EFCAB13: variants seen among roughly 807,000 people sequenced by gnomAD.
EFCAB13 encodes the protein EF-hand calcium-binding domain-containing protein 13.
In EFCAB13, 91 loss-of-function variants were observed where a neutral mutation model predicts 110.2. The observed-to-expected ratio is 0.83, with a 90% CI of 0.70 to 0.98. EFCAB13 has a LOEUF of 0.98. Among genes scored for constraint, EFCAB13 ranks in the 50% least tolerant of loss-of-function variants. The pLI, the probability that EFCAB13 is intolerant of heterozygous loss-of-function variation, is 0.00. For synonymous variants in EFCAB13, 323 were observed against 369.9 expected (o/e 0.87, Z 1.45); for missense variants, 968 against 1,119.4 (o/e 0.86, Z 1.93).
chr17:47,425,034 T>C (rs1417786752), intron 23 of EFCAB13, among the ~76,000 whole-genome samples: 5 of 148,130 alleles, frequency 3.4e-5, no homozygotes, highest in African/African-American at 7.5e-5. Flanking sequence ...AGGCGCCCGC[T>C]ACCACGCCCG....
chr17:47,346,124 A>T (rs995020749), intron 8 of EFCAB13, among the ~76,000 whole-genome samples: 1 of 152,150 alleles, frequency 6.6e-6, no homozygotes, highest in Non-Finnish European at 1.5e-5. Flanking sequence ...ATCTATAGGC[A>T]CAATATTGTA....
At chr17:47,416,538 T>C (rs932198294) in intron 23 of EFCAB13, among the ~76,000 whole-genome samples, 2 of 152,172 alleles carry the variant, frequency 1.3e-5, no homozygotes, top group Admixed American at 6.5e-5. Context: ...ACCCAGGTAC[T>C]GAGGATAGTA....
intron 23 of EFCAB13, among the ~76,000 whole-genome samples, chr17:47,429,517 G>A (rs1905064364): frequency 6.6e-6 from 1 of 151,998 alleles, no homozygotes; most frequent in Non-Finnish European, 1.5e-5. Flanking sequence ...ACTTAATCTT[G>A]CTAACCTCAG....
At chr17:47,325,129 T>A (rs2065274425) in intron 2 of EFCAB13, among the ~76,000 whole-genome samples, 1 of 147,028 alleles carries the variant, frequency 6.8e-6, no homozygotes, top group Non-Finnish European at 1.5e-5. Context: ...CAAAAGATCC[T>A]CCTGGCTCAG....
chr17:47,431,841 T>C lies in EFCAB13; in HGVS notation c.2638+1880T>C, dbSNP rs1905121216. ...TTTTATTTCTTTGTTCAATAGTTAC[T>C]GAAACAGTTGTTCTAAAATCTTCTA... On this transcript the variant is annotated intron_variant, in intron 24 of 24. Transcript: ENST00000331493. The surrounding 1 kb of genome is among the most constrained non-coding windows in gnomAD (Gnocchi z 4.1). Among the ~76,000 whole-genome samples the C allele has an allele frequency of 1.3e-5, 2 of 152,254 alleles. No individual in the cohort carries two copies. The highest frequency in any genetic ancestry group is 2.9e-5 in the Non-Finnish European group (2 of 68,042).
In EFCAB13 at chr17:47,344,286, T is replaced by C; in HGVS notation, c.428T>C (p.Ile143Thr). 1 of 1,611,814 alleles carries C rather than the reference T, an allele frequency of 6.2e-7. No homozygotes were observed. The highest frequency in any genetic ancestry group is 8.5e-7 in the Non-Finnish European group (1 of 1,178,620). The change falls in exon 7 of 25, where the codon ATT becomes ACT. Residue 143 changes from isoleucine (I) to threonine (T), a missense_variant. Coordinates refer to ENST00000331493, the MANE Select transcript of EFCAB13 (RefSeq NM_152347.5). ...TCACCTCTTTGTACATCTTCTGCAA[T>C]TACTCGGTATTTAAATCCTTGTACT... The part of the protein sequence containing the change: ...TSSPLCTSSA[I>T]TREKEMLSNL...
At chr17:47,432,497 C>T (rs1488220067) in intron 24 of EFCAB13, among the ~76,000 whole-genome samples, 1 of 151,962 alleles carries the variant, frequency 6.6e-6, no homozygotes, top group Non-Finnish European at 1.5e-5. Context: ...GGGGTTGAGG[C>T]AAGAATTGCT....
chr17:47,379,094 A>C (rs3736439), intron 13 of EFCAB13, 88 bp from the exon 14 acceptor site: 61,693 of 928,544 alleles, frequency 0.066, 2,596 homozygotes, highest in East Asian at 0.17. Flanking sequence ...GGATCAAGTA[A>C]ATTTTAAAAA....
At chr17:47,339,164 C>A (rs933257558) in intron 5 of EFCAB13, among the ~76,000 whole-genome samples, 1 of 151,978 alleles carries the variant, frequency 6.6e-6, no homozygotes, top group Admixed American at 6.6e-5. Context: ...ATGGGTTGTT[C>A]TTGAAATTTA....
chr17:47,400,582 T>TTTGCCTCC lies in EFCAB13; in HGVS notation c.1946-1534_1946-1527dup, dbSNP rs958044435. ...GATGGCTCCCTGCTTCCTTTCTTCC[T>TTTGCCTCC]TTGCCTCCTTGCCTCCTTGCCTCTC... On this transcript the variant is annotated intron_variant, in intron 17 of 24. Transcript: ENST00000331493. 5.9e-5 allele frequency among the ~76,000 whole-genome samples: 9 copies of TTTGCCTCC among 151,960 alleles called. No homozygotes were observed. In the East Asian group the frequency reaches 1.2e-3, roughly 20 times the overall value.
At chr17:47,421,641 GAAAA>G (rs375256582) in intron 23 of EFCAB13, among the ~76,000 whole-genome samples, 1 of 129,394 alleles carries the variant, frequency 7.7e-6, no homozygotes, top group Non-Finnish European at 1.6e-5. Context: ...AAGAAAGAAA[GAAAA>G]AAAAAAAAGA....
At chr17:47,373,674 T>C (rs1262159901) in intron 11 of EFCAB13, among the ~76,000 whole-genome samples, 1 of 152,168 alleles carries the variant, frequency 6.6e-6, no homozygotes, top group Non-Finnish European at 1.5e-5. Flanking sequence ...TGATACATAG[T>C]GCACTTAGAG....
At chr17:47,421,746 C>T (rs1194240806) in intron 23 of EFCAB13, among the ~76,000 whole-genome samples, 1 of 151,530 alleles carries the variant, frequency 6.6e-6, no homozygotes, top group African/African-American at 2.4e-5. Context: ...TACTTTTATA[C>T]CAATGCATTT....
chr17:47,393,984 A>T (rs1163849274), intron 15 of EFCAB13, 41 bp from the exon 16 acceptor site: 4 of 1,147,670 alleles, frequency 3.5e-6, no homozygotes, highest in Non-Finnish European at 5.0e-6. Context: ...TCATAATAAT[A>T]CTTAAAAGAT....
At chr17:47,370,005 G>T in intron 10 of EFCAB13, 1 of 165,394 alleles carries the variant, frequency 6.0e-6, no homozygotes, top group Non-Finnish European at 1.3e-5. Context: ...ATTTTGTTCA[G>T]CCAAAAATAA....
chr17:47,398,382 C>T (rs1288064946), intron 17 of EFCAB13, among the ~76,000 whole-genome samples: 8 of 150,712 alleles, frequency 5.3e-5, no homozygotes, highest in Admixed American at 2.6e-4. Flanking sequence ...TCATTGAGAA[C>T]GGGCCATGAT....
intron 24 of EFCAB13, among the ~76,000 whole-genome samples, chr17:47,438,583 G>C (rs1000320868): frequency 6.7e-6 from 1 of 150,290 alleles, no homozygotes; most frequent in Non-Finnish European, 1.5e-5. Context: ...TACTTGTTCA[G>C]CTCTATTACT....
At chr17:47,355,778 G>T (rs2065477502) in intron 9 of EFCAB13, among the ~76,000 whole-genome samples, 1 of 151,880 alleles carries the variant, frequency 6.6e-6, no homozygotes. Context: ...TCACCAGGTT[G>T]GCCAGGATGG....
Position 47,328,279 on chromosome 17 carries a change from T to G in EFCAB13, c.-75T>G, listed in dbSNP as rs753521709. 64 of 1,263,800 alleles carry G rather than the reference T, an allele frequency of 5.1e-5. No homozygotes were observed. The highest frequency in any genetic ancestry group is 6.7e-5 in the Non-Finnish European group (58 of 866,192). The allele number at this position is 1,263,800 out of a possible 1,614,324, so 78.3% of individuals were successfully genotyped here. ...CTCTTTTTTTGGCAGGAAATCCTTT[T>G]GTACTATTGCTCATTCATACTTGTT... On this transcript the variant is annotated 5_prime_UTR_variant, in exon 4 of 25. Transcript: ENST00000331493.
Sources: gnomAD v4.1 joint callset for allele counts (sites outside exome capture counted in the v4.1 genomes callset) on GRCh38, gnomAD v4.1.1 for gene constraint, Gnocchi (gnomAD v3.1) non-coding constraint, MANE v1.5 for transcripts, NCBI Gene and HGNC (gene_info 2026-07-23, HGNC 2026-07-21) for gene names.